Variants in CDH11 observed in about 807,000 individuals in gnomAD.
CDH11 encodes the protein cadherin 11.
CDH11 carries 11 observed loss-of-function variants against 67.8 expected under a neutral mutation model. The ratio of observed to expected loss-of-function variants is 0.16; its 90% CI spans 0.10 to 0.27. CDH11 has a LOEUF of 0.27. Ranked by LOEUF, CDH11 falls within the 10% of genes least tolerant of loss-of-function variation. The pLI is 1.00. For synonymous variants in CDH11, 419 were observed against 400.0 expected (o/e 1.05, Z -0.57); for missense variants, 847 against 1,031.2 (o/e 0.82, Z 2.45).
At chr16:64,998,187 G>A (rs907272546) in intron 4 of CDH11, among the ~76,000 whole-genome samples, 1 of 152,158 alleles carries the variant, frequency 6.6e-6, no homozygotes, top group African/African-American at 2.4e-5. Flanking sequence ...TTCTGGCATG[G>A]GTTTCCTATC....
intron 8 of CDH11, among the ~76,000 whole-genome samples, chr16:64,975,088 T>C (rs2072126926): frequency 1.3e-5 from 2 of 152,184 alleles, no homozygotes; most frequent in Non-Finnish European, 2.9e-5. Flanking sequence ...GTAGCTGGGA[T>C]TGTAGGAACC....
At chr16:65,085,385 C>T (rs538092064) in intron 1 of CDH11, among the ~76,000 whole-genome samples, 24 of 152,316 alleles carry the variant, frequency 1.6e-4, no homozygotes, top group Non-Finnish European at 3.4e-4. Context: ...GCTTGAGGTT[C>T]CTCCTCTGTA....
chr16:65,037,550 C>A (rs1188507035), intron 2 of CDH11, among the ~76,000 whole-genome samples: 1 of 152,176 alleles, frequency 6.6e-6, no homozygotes, highest in Non-Finnish European at 1.5e-5. Flanking sequence ...CCTCTATCAA[C>A]ACAAAAATCC....
intron 1 of CDH11, among the ~76,000 whole-genome samples, chr16:65,065,487 A>T (rs2074298521): frequency 6.6e-6 from 1 of 152,170 alleles, no homozygotes; most frequent in Non-Finnish European, 1.5e-5. Context: ...GGGACACACG[A>T]CCTGGCACAG....
At chr16:65,016,891 T>C (rs1021038182) in intron 2 of CDH11, among the ~76,000 whole-genome samples, 46 of 152,230 alleles carry the variant, frequency 3.0e-4, no homozygotes, top group African/African-American at 1.1e-3. Context: ...AGGAAAGGGC[T>C]AAGGAGTTCC....
At chr16:65,101,985 T>G (rs991186863) in intron 1 of CDH11, among the ~76,000 whole-genome samples, 2 of 152,222 alleles carry the variant, frequency 1.3e-5, no homozygotes, top group African/African-American at 2.4e-5. Context: ...CAGGGACATC[T>G]TTACTCACAG....
chr16:65,044,146 T>C (rs924512822), intron 2 of CDH11, among the ~76,000 whole-genome samples: 1 of 152,182 alleles, frequency 6.6e-6, no homozygotes, highest in Non-Finnish European at 1.5e-5. Context: ...ATGGAGACCA[T>C]GCTCTTATTC....
intron 1 of CDH11, among the ~76,000 whole-genome samples, chr16:65,087,228 T>G (rs1017256577): frequency 6.6e-6 from 1 of 152,222 alleles, no homozygotes; most frequent in Non-Finnish European, 1.5e-5. Flanking sequence ...TCTTAATCCC[T>G]TTCCCTTTCT....
chr16:65,070,234 G>A (rs1261891637), intron 1 of CDH11, among the ~76,000 whole-genome samples: 1 of 152,150 alleles, frequency 6.6e-6, no homozygotes, highest in East Asian at 1.9e-4. Context: ...AGGATATTCA[G>A]ACACCTCACA....
intron 2 of CDH11, among the ~76,000 whole-genome samples, chr16:65,031,321 T>C (rs769930741): frequency 6.6e-6 from 1 of 152,314 alleles, no homozygotes; most frequent in African/African-American, 2.4e-5. Flanking sequence ...AGGTCACTGA[T>C]AGGCTAATGG....
intron 11 of CDH11, among the ~76,000 whole-genome samples, chr16:64,955,139 G>A (rs1165181904): frequency 1.3e-5 from 2 of 151,994 alleles, no homozygotes; most frequent in Admixed American, 1.3e-4. Context: ...CCAGCTACTC[G>A]GGAGGCTGAG....
At chr16:65,101,461 G>A (rs1433509403) in intron 1 of CDH11, among the ~76,000 whole-genome samples, 4 of 152,150 alleles carry the variant, frequency 2.6e-5, no homozygotes, top group African/African-American at 4.8e-5. Flanking sequence ...GGGAAAATAT[G>A]AATTGTGATA....
At chr16:65,044,172 C>A (rs2073914749) in intron 2 of CDH11, among the ~76,000 whole-genome samples, 1 of 152,098 alleles carries the variant, frequency 6.6e-6, no homozygotes, top group Admixed American at 6.5e-5. Context: ...AAAGCCTGTT[C>A]ACCACACATG....
chr16:64,943,899 C>A lies in CDH11; in HGVS notation c.*3704G>T, dbSNP rs574594854. 1.6e-4 allele frequency: 36 copies of A among 229,296 alleles called. No individual in the cohort carries two copies. Among genetic ancestry groups the A allele is most frequent in the Admixed American group, 2.3e-4 (4 of 17,650 alleles). The allele number at this position is 229,296 out of a possible 1,614,324, so 14.2% of individuals were successfully genotyped here. The stretch of plus-strand genomic sequence containing the variant: ...TAGTGGGGCAGTCAGTCCCACCCAC[C>A]CACACACATACATAAAGCCAAAAAG... On this transcript the variant is annotated 3_prime_UTR_variant, in exon 13 of 13. Transcript: ENST00000268603.
rs1309256444 is a variant in CDH11, at chr16:65,121,124, C to A, written c.-298+756G>T. On this transcript the variant is annotated intron_variant, in intron 1 of 12. Transcript: ENST00000268603. The surrounding 1 kb of genome is among the most constrained non-coding windows in gnomAD (Gnocchi z 4.1). ...GTTGACCCTGGCAGCTTTCGCCAAT[C>A]CCAAGCCAGAGGCGAGCCCGAGTCT... 1.3e-5 allele frequency among the ~76,000 whole-genome samples: 2 copies of A among 152,126 alleles called. No homozygotes were observed. The highest frequency in any genetic ancestry group is 3.9e-4 in the East Asian group (2 of 5,154).
chr16:64,995,312 TG>T (rs1407740948), intron 4 of CDH11, among the ~76,000 whole-genome samples: 1 of 152,144 alleles, frequency 6.6e-6, no homozygotes, highest in Non-Finnish European at 1.5e-5. Flanking sequence ...AGAAAAAAGT[TG>T]GAGGAGTCAC....
intron 11 of CDH11, among the ~76,000 whole-genome samples, chr16:64,957,747 A>G (rs1477256218): frequency 6.6e-6 from 1 of 152,140 alleles, no homozygotes; most frequent in Non-Finnish European, 1.5e-5. Flanking sequence ...CAATAATTTC[A>G]GAAGTATAGA....
chr16:65,119,157 T>A (rs1187779188), intron 1 of CDH11: 4 of 152,206 alleles, frequency 2.6e-5, no homozygotes, highest in Admixed American at 2.6e-4. Flanking sequence ...AGCAGCCATG[T>A]AATTCTATTC....
intron 2 of CDH11, among the ~76,000 whole-genome samples, chr16:65,015,823 C>G (rs970663462): frequency 5.3e-5 from 8 of 152,180 alleles, no homozygotes; most frequent in Non-Finnish European, 1.0e-4. Flanking sequence ...GCCTTAATAA[C>G]AGACAAGGGC....
Sources: allele counts gnomAD v4.1 joint callset (sites outside exome capture counted in the v4.1 genomes callset), GRCh38; gene constraint gnomAD v4.1.1; non-coding constraint Gnocchi (gnomAD v3.1); transcripts MANE v1.5; gene names NCBI Gene and HGNC (gene_info 2026-07-23, HGNC 2026-07-21).